The following LIPA variants were observed in gnomAD, a reference collection of about 807,000 sequenced individuals.
The protein encoded by LIPA is lipase A, lysosomal acid type.
LIPA carries 26 observed loss-of-function variants against 40.6 expected under a neutral mutation model. The ratio of observed to expected loss-of-function variants is 0.64; its 90% CI spans 0.47 to 0.89. The LOEUF is 0.89. Among genes scored for constraint, LIPA ranks in the 40% least tolerant of loss-of-function variants. LIPA has a pLI of 0.00. For missense variants in LIPA, 455 were observed against 479.6 expected (o/e 0.95, Z 0.48); for synonymous variants, 188 against 168.4 (o/e 1.12, Z -0.90).
In LIPA at chr10:89,413,159, G is replaced by C. The variant is rs370168549; in HGVS notation, c.-71-237C>G. Reference sequence around the variant, plus strand: ...CTGAGGATAATCACTGGAAATACTTGCTCTGTATTTAGAGTTCATAAAATT... The same window carrying C: ...CTGAGGATAATCACTGGAAATACTTCCTCTGTATTTAGAGTTCATAAAATT... On this transcript the variant is annotated intron_variant, in intron 1 of 8. Transcript: ENST00000371837. 6.6e-5 allele frequency among the ~76,000 whole-genome samples: 10 copies of C among 152,170 alleles called. No homozygotes were observed. In the East Asian group the frequency reaches 1.7e-3, roughly 26 times the overall value.
intron 2 of LIPA, among the ~76,000 whole-genome samples, chr10:89,386,384 T>A (rs1276204873): frequency 6.6e-6 from 1 of 151,730 alleles, no homozygotes; most frequent in Non-Finnish European, 1.5e-5. Context: ...AGCACAGGAG[T>A]AACACCTTTT....
intron 2 of LIPA, among the ~76,000 whole-genome samples, chr10:89,381,535 CAT>C (rs59795961): frequency 2.0e-3 from 299 of 152,262 alleles, no homozygotes; most frequent in African/African-American, 6.8e-3. Flanking sequence ...CCAGGACTCT[CAT>C]ATTCCACAGA....
At chr10:89,217,774 T>C (rs931985357) in intron 8 of LIPA, among the ~76,000 whole-genome samples, 30 of 152,308 alleles carry the variant, frequency 2.0e-4, no homozygotes, top group African/African-American at 7.0e-4. Context: ...CATCAAACAG[T>C]AGAATTGTAT....
chr10:89,227,022 A>G lies in LIPA; in HGVS notation c.429-18T>C. 7.1e-7 allele frequency: 1 copy of G among 1,415,420 alleles called. No individual in the cohort carries two copies. Among genetic ancestry groups the G allele is most frequent in the Non-Finnish European group, 1.0e-6 (1 of 998,764 alleles). 87.7% of individuals were successfully genotyped at this position (1,415,420 alleles called of 1,614,324 possible). A position where few individuals can be genotyped will look rare whatever the true frequency, so the allele number is the denominator to read the frequency against. ...CATCATAACTGTAATCCAAGAAAGGAACTCTTTCATTGAAATAGTACATAA... is the reference window on the plus strand; with the variant it reads ...CATCATAACTGTAATCCAAGAAAGGGACTCTTTCATTGAAATAGTACATAA... On this transcript the variant is annotated intron_variant, in intron 4 of 9. Coordinates refer to ENST00000336233, the MANE Select transcript of LIPA (RefSeq NM_000235.4).
chr10:89,225,309 A>ACGCCCTCT, intron 5 of LIPA, 81 bp from the exon 6 acceptor site: 2 of 1,567,462 alleles, frequency 1.3e-6, no homozygotes, highest in East Asian at 2.2e-5. Flanking sequence ...GTCACTCGCG[A>ACGCCCTCT]CGCCCTCTCG....
intron 1 of LIPA, among the ~76,000 whole-genome samples, chr10:89,274,329 A>G (rs184956829): frequency 6.6e-6 from 1 of 152,378 alleles, no homozygotes; most frequent in Non-Finnish European, 1.5e-5. Context: ...AAAAACTTAT[A>G]TGTGGGTATC....
intron 3 of LIPA, among the ~76,000 whole-genome samples, chr10:89,241,369 T>C (rs11203047): frequency 0.068 from 10,416 of 152,264 alleles, 352 homozygotes; most frequent in South Asian, 0.14. Flanking sequence ...GCTCAGGCAT[T>C]GATTAATGAA....
At chr10:89,328,005 G>A in intron 1 of LIPA, 1 of 1,579,286 alleles carries the variant, frequency 6.3e-7, no homozygotes, top group African/African-American at 1.3e-5. Flanking sequence ...AGGCAGACAG[G>A]AAGACTTCTG....
rs34537189 is a variant in LIPA at position 89,290,001 on chromosome 10, TG to T, written c.-1-42353del. Among the ~76,000 whole-genome samples, 27 of 105,378 alleles carry T rather than the reference TG, an allele frequency of 2.6e-4. No individual in the cohort carries two copies. In the East Asian group the frequency reaches 3.0e-3, roughly 12 times the overall value. 69.1% of individuals were successfully genotyped at this position (105,378 alleles called of 152,430 possible). ...CTTACTCACTGCTAAAAAAAAAGGG[TG>T]GGGGGGACTCTGTATATTTTCACAT... On this transcript the variant is annotated intron_variant, in intron 1 of 5. Coordinates refer to the LIPA transcript ENST00000282673.
intron 1 of LIPA, among the ~76,000 whole-genome samples, chr10:89,258,098 T>C (rs1363848500): frequency 2.6e-5 from 4 of 152,134 alleles, no homozygotes; most frequent in Non-Finnish European, 5.9e-5. Context: ...CTTTTAAAAA[T>C]AAGAATACTG....
chr10:89,383,521 G>C (rs745398239), intron 2 of LIPA: 1 of 1,614,176 alleles, frequency 6.2e-7, no homozygotes, highest in East Asian at 2.2e-5. Flanking sequence ...CCAGAATGAG[G>C]AAGCCCTGGT....
chr10:89,334,453 TG>T (rs1240545968), intron 1 of LIPA, among the ~76,000 whole-genome samples: 1 of 150,100 alleles, frequency 6.7e-6, no homozygotes, highest in Non-Finnish European at 1.5e-5. Context: ...CTAGCTATTC[TG>T]TTTTTTCTTC....
chr10:89,251,140 C>T (rs955041596), intron 1 of LIPA, among the ~76,000 whole-genome samples: 2 of 152,214 alleles, frequency 1.3e-5, no homozygotes, highest in African/African-American at 4.8e-5. Context: ...CGCCAGCCAC[C>T]GCAGGCAGCG....
At chr10:89,322,124 C>T (rs113252512) in intron 1 of LIPA, among the ~76,000 whole-genome samples, 5 of 152,164 alleles carry the variant, frequency 3.3e-5, no homozygotes, top group African/African-American at 7.2e-5. Flanking sequence ...ATGTAAATGA[C>T]GAGTTAATGG....
At chr10:89,229,227 C>T (rs1842809150) in intron 3 of LIPA, among the ~76,000 whole-genome samples, 1 of 152,126 alleles carries the variant, frequency 6.6e-6, no homozygotes, top group African/African-American at 2.4e-5. Context: ...ACCTTAAATA[C>T]ATATTACCAA....
At chr10:89,358,807 G>T (rs940232347) in intron 2 of LIPA, among the ~76,000 whole-genome samples, 9 of 152,140 alleles carry the variant, frequency 5.9e-5, no homozygotes, top group African/African-American at 2.2e-4. Context: ...AGAGGGGTTT[G>T]TTAATGGGCA....
intron 1 of LIPA, among the ~76,000 whole-genome samples, chr10:89,327,380 G>T (rs146505605): frequency 4.6e-5 from 7 of 152,084 alleles, no homozygotes; most frequent in African/African-American, 1.7e-4. Flanking sequence ...GCGAAACCTC[G>T]TCTCTACTAA....
At chr10:89,253,991 T>G (rs549744117), upstream of LIPA, among the ~76,000 whole-genome samples, 11 of 152,372 alleles carry the variant, frequency 7.2e-5, no homozygotes, top group South Asian at 2.3e-3. Flanking sequence ...CCTGTGGCTT[T>G]GCAGGGGGAC....
At chr10:89,253,037 A>G (rs551622215), upstream of LIPA, among the ~76,000 whole-genome samples, 2 of 152,210 alleles carry the variant, frequency 1.3e-5, no homozygotes, top group Non-Finnish European at 2.9e-5. Context: ...GAATGTACAT[A>G]GTAGAAAGTA....
Sources: allele counts gnomAD v4.1 joint callset (sites outside exome capture counted in the v4.1 genomes callset), GRCh38; gene constraint gnomAD v4.1.1; transcripts MANE v1.5; gene names NCBI Gene and HGNC (gene_info 2026-07-23, HGNC 2026-07-21).